Variants in ZBED4 observed in about 807,000 individuals in gnomAD.
The protein encoded by ZBED4 is zinc finger BED domain-containing protein 4.
A neutral mutation model predicts 15.5 loss-of-function variants in ZBED4; 4 were observed. The ratio of observed to expected loss-of-function variants is 0.26; its 90% CI spans 0.13 to 0.59. The LOEUF (loss-of-function observed/expected upper bound fraction) is 0.59, where lower values mean the gene tolerates loss of function less well. ZBED4 is among the 20% of genes least tolerant of loss of function. The pLI is 0.90. For missense variants in ZBED4, 1,323 were observed against 1,461.8 expected (o/e 0.91, Z 1.55); for synonymous variants, 692 against 608.5 (o/e 1.14, Z -2.02).
intron 1 of ZBED4, among the ~76,000 whole-genome samples, chr22:49,866,794 C>G (rs1012278994): frequency 6.6e-6 from 1 of 152,104 alleles, no homozygotes; most frequent in African/African-American, 2.4e-5. Flanking sequence ...TACCACAAAC[C>G]GAGTGGCTTC....
rs187208505 is a variant in ZBED4 at position 49,875,452 on chromosome 22, G to C, written c.-329-7882G>C. Among the ~76,000 whole-genome samples the C allele has an allele frequency of 2.3e-3, 323 of 140,010 alleles. 10 individuals are homozygous for C. The Admixed American group carries it at 0.025, about 11-fold the overall frequency. The allele number at this position is 140,010 out of a possible 152,430, so 91.9% of individuals were successfully genotyped here. On this transcript the variant is annotated intron_variant, in intron 1 of 1. Transcript: ENST00000216268. ...TTTCTTTTTTTTGAGACGGAGTCTT[G>C]CTCTGTCACCCAGGCTGGAGTACAG...
At chr22:49,868,455 T>C (rs566008309) in intron 1 of ZBED4, among the ~76,000 whole-genome samples, 2 of 152,234 alleles carry the variant, frequency 1.3e-5, no homozygotes, top group Admixed American at 1.3e-4. Context: ...GGCACACACC[T>C]GTCATCCCAG....
At chr22:49,855,393 T>C (rs2060270864) in intron 1 of ZBED4, among the ~76,000 whole-genome samples, 1 of 152,132 alleles carries the variant, frequency 6.6e-6, no homozygotes. Flanking sequence ...GTGGTTGATG[T>C]TGTTGGATGT....
chr22:49,881,809 G>A (rs1360430375), intron 1 of ZBED4, among the ~76,000 whole-genome samples: 4 of 152,176 alleles, frequency 2.6e-5, no homozygotes, highest in Non-Finnish European at 5.9e-5. Flanking sequence ...TAGGGTTACA[G>A]GCATGAGCCA....
chr22:49,857,100 C>T (rs933254348), intron 1 of ZBED4, among the ~76,000 whole-genome samples: 2 of 152,230 alleles, frequency 1.3e-5, no homozygotes, highest in Admixed American at 1.3e-4. Context: ...TGACTTCCTC[C>T]AAAGCTGCTC....
At position 49,887,707 on chromosome 22, in the gene ZBED4, A is replaced by G. The variant is rs2060447862; in HGVS notation, c.*529A>G. On this transcript the variant is annotated 3_prime_UTR_variant, in exon 2 of 2. Transcript: ENST00000216268. ...TTCTAAAGTGTCCCGCGGAGTACAG[A>G]TAATATTCTGGAAGGTAACTGTTTA... The G allele has an allele frequency of 6.0e-6, 1 of 167,510 alleles. No individual in the cohort carries two copies. The highest frequency in any genetic ancestry group is 6.5e-5 in the Admixed American group (1 of 15,306). 10.4% of individuals were successfully genotyped at this position (167,510 alleles called of 1,614,324 possible).
intron 1 of ZBED4, among the ~76,000 whole-genome samples, chr22:49,874,617 G>C (rs1215017724): frequency 6.9e-6 from 1 of 144,668 alleles, no homozygotes; most frequent in Non-Finnish European, 1.5e-5. Context: ...TCGTGATCCA[G>C]CTGCCTTGGC....
chr22:49,855,692 T>C (rs941135404), intron 1 of ZBED4, among the ~76,000 whole-genome samples: 3 of 152,124 alleles, frequency 2.0e-5, no homozygotes, highest in Non-Finnish European at 4.4e-5. Flanking sequence ...TCACTTTGTT[T>C]TGCGTTTTTT....
intron 1 of ZBED4, among the ~76,000 whole-genome samples, chr22:49,866,135 G>GGTTTC (rs140957943): frequency 9.9e-5 from 2 of 20,298 alleles, no homozygotes; most frequent in Non-Finnish European, 8.0e-5. Context: ...GAGCCCAAAG[G>GGTTTC]ATTTAAGTCT....
chr22:49,886,752 C>T lies in ZBED4; in HGVS notation c.3090C>T (p.Ile1030=). The change falls in exon 2 of 2, where the codon ATC becomes ATT. Residue 1030 remains isoleucine (I), a synonymous_variant. Transcript: ENST00000216268. The surrounding 1 kb of genome is among the most constrained non-coding windows in gnomAD (Gnocchi z 7.7). ...EEAEQYKQDL[I]RELELMNSTS... ...CGGAGCAGTACAAACAGGATTTAATCAGGGAACTCGAACTCATGAATTCTA... is the reference window on the plus strand; with the variant it reads ...CGGAGCAGTACAAACAGGATTTAATTAGGGAACTCGAACTCATGAATTCTA... 1.2e-6 allele frequency: 2 copies of T among 1,612,612 alleles called. No homozygotes were observed. Among genetic ancestry groups the T allele is most frequent in the Non-Finnish European group, 1.7e-6 (2 of 1,179,404 alleles).
In ZBED4 at chr22:49,869,738, G is replaced by A. The variant is rs563301999; in HGVS notation, c.-329-13596G>A. Among the ~76,000 whole-genome samples, 3 of 152,242 alleles carry A rather than the reference G, an allele frequency of 2.0e-5. No homozygotes were observed. The South Asian group carries it at 6.2e-4, about 32-fold the overall frequency. On this transcript the variant is annotated intron_variant, in intron 1 of 1. Transcript: ENST00000216268. Reference sequence around the variant, plus strand: ...CCCTGTGCACGCATCCCCAGCTTCAGAATTACCAGTTCACAGCCATTCCCA... The same window carrying A: ...CCCTGTGCACGCATCCCCAGCTTCAAAATTACCAGTTCACAGCCATTCCCA...
intron 1 of ZBED4, among the ~76,000 whole-genome samples, chr22:49,883,107 A>G (rs907964171): frequency 6.6e-6 from 1 of 152,166 alleles, no homozygotes; most frequent in African/African-American, 2.4e-5. Flanking sequence ...TCCTTTATTA[A>G]TAGGCCACTT....
Position 49,885,588 on chromosome 22 carries a change from T to G in ZBED4, c.1926T>G (p.Asp642Glu), listed in dbSNP as rs1373348882. The change falls in exon 2 of 2, where the codon GAT becomes GAG. Residue 642 changes from aspartate (D) to glutamate (E), a missense_variant. By Grantham distance (45) the Asp-to-Glu change is conservative. This residue lies in a region of ZBED4 where 429 missense variants were observed against 397.9 expected (regional missense o/e 1.08). Transcript: ENST00000216268. ...AATTATCAGGCGCTTCCTCTTTTGA[T>G]GACACCAATGAGAAGTTTTACGATT... The part of the protein sequence containing the change: ...GTELSGASSF[D>E]DTNEKFYDSH... 1.9e-6 allele frequency: 3 copies of G among 1,605,588 alleles called. No homozygotes were observed. In the East Asian group the frequency reaches 6.7e-5, roughly 36 times the overall value.
chr22:49,886,101 C>T lies in ZBED4; in HGVS notation c.2439C>T (p.Ile813=), dbSNP rs61731524. ...TCACCGTCACCGACAACGCCAGCAT[C>T]GGGAAGACGCTGAACGAGGGGGAGC... is the stretch of plus-strand genomic sequence containing the variant. ...VGITVTDNAS[I]GKTLNEGEHS... is the part of the protein sequence containing the mutation. The change falls in exon 2 of 2, where the codon ATC becomes ATT. Residue 813 remains isoleucine, a synonymous_variant. Transcript: ENST00000216268. This position sits in a 1 kb window ranked among gnomAD's most constrained non-coding sequence, Gnocchi z 7.7. The T allele has an allele frequency of 6.0e-4, 406 of 679,664 alleles. 2 individuals are homozygous for T. The highest frequency in any genetic ancestry group is 3.7e-3 in the African/African-American group (205 of 55,940). 42.1% of individuals were successfully genotyped at this position (679,664 alleles called of 1,614,324 possible).
intron 1 of ZBED4, among the ~76,000 whole-genome samples, chr22:49,855,944 G>C (rs1175124157): frequency 1.3e-5 from 2 of 152,186 alleles, no homozygotes; most frequent in African/African-American, 4.8e-5. Context: ...CCTTTAGCCC[G>C]TGACACCCCT....
chr22:49,858,677 A>C (rs2060284969), intron 1 of ZBED4, among the ~76,000 whole-genome samples: 1 of 152,216 alleles, frequency 6.6e-6, no homozygotes, highest in African/African-American at 2.4e-5. Context: ...GGAAAGGGAC[A>C]TTCTACTGTC....
At chr22:49,853,592 G>A (rs2060260579), upstream of ZBED4, among the ~76,000 whole-genome samples, 1 of 152,084 alleles carries the variant, frequency 6.6e-6, no homozygotes, top group Non-Finnish European at 1.5e-5. Context: ...GCCCGCCAGC[G>A]CCGGAGCGCC....
At chr22:49,876,450 C>G (rs550678766) in intron 1 of ZBED4, among the ~76,000 whole-genome samples, 1 of 152,290 alleles carries the variant, frequency 6.6e-6, no homozygotes, top group South Asian at 2.1e-4. Flanking sequence ...TTGAAGGTCT[C>G]TTTGCAGGTA....
chr22:49,873,627 A>G (rs778942561), intron 1 of ZBED4, among the ~76,000 whole-genome samples: 1 of 136,928 alleles, frequency 7.3e-6, no homozygotes. Context: ...GATTGCCACA[A>G]ACCTCCAATT....
Sources: gnomAD v4.1 joint callset for allele counts (sites outside exome capture counted in the v4.1 genomes callset) on GRCh38, gnomAD v4.1.1 for gene constraint, gnomAD v4.1.1 regional missense constraint, Gnocchi (gnomAD v3.1) non-coding constraint, MANE v1.5 for transcripts, NCBI Gene and HGNC (gene_info 2026-07-23, HGNC 2026-07-21) for gene names.